The following ARMH3 variants were observed in gnomAD, a reference collection of about 807,000 sequenced individuals.
ARMH3 encodes the protein armadillo like helical domain containing 3.
A neutral mutation model predicts 99.1 loss-of-function variants in ARMH3; 60 were observed. The observed-to-expected ratio is 0.61, with a 90% CI of 0.49 to 0.75. The LOEUF (loss-of-function observed/expected upper bound fraction) is 0.75. ARMH3 is among the 30% of genes least tolerant of loss of function. The pLI is 0.00. For missense variants in ARMH3, 679 were observed against 843.1 expected (o/e 0.81, Z 2.41); for synonymous variants, 285 against 292.8 (o/e 0.97, Z 0.27).
At chr10:101,877,871 T>C (rs936773190) in intron 24 of ARMH3, among the ~76,000 whole-genome samples, 2 of 152,122 alleles carry the variant, frequency 1.3e-5, no homozygotes, top group Non-Finnish European at 2.9e-5. Flanking sequence ...GCCAGTGACC[T>C]CTGCATTCAT....
At position 101,899,330 on chromosome 10, in the gene ARMH3, G is replaced by A. The variant is rs186883626; in HGVS notation, c.1782-9840C>T. 5.9e-5 allele frequency among the ~76,000 whole-genome samples: 9 copies of A among 152,236 alleles called. No homozygotes were observed. In the East Asian group the frequency reaches 1.7e-3, roughly 29 times the overall value. On this transcript the variant is annotated intron_variant, in intron 23 of 25. Transcript: ENST00000370033. ...CAAGAAAACCATCATATTCGTAATT[G>A]CTTTTACCTGGGAAACCTTCAGGCA...
chr10:102,038,089 C>CTTTT (rs949920845), intron 2 of ARMH3, among the ~76,000 whole-genome samples: 20 of 113,308 alleles, frequency 1.8e-4, no homozygotes, highest in Non-Finnish European at 2.7e-4. Flanking sequence ...AGAAAGAATC[C>CTTTT]TTTTTTTTTT....
chr10:101,928,493 A>C (rs1843591969), intron 23 of ARMH3, among the ~76,000 whole-genome samples: 2 of 152,180 alleles, frequency 1.3e-5, no homozygotes, highest in South Asian at 4.1e-4. Context: ...CCTTAGTGGG[A>C]GAAAACGAGA....
chr10:101,957,796 A>T, intron 20 of ARMH3, 64 bp from the exon 21 acceptor site: 2 of 1,504,104 alleles, frequency 1.3e-6, no homozygotes, highest in South Asian at 1.3e-5. Flanking sequence ...AGTTAAATAA[A>T]AACAGACTAG....
intron 23 of ARMH3, among the ~76,000 whole-genome samples, chr10:101,915,034 T>C (rs1399960074): frequency 6.6e-6 from 1 of 152,126 alleles, no homozygotes; most frequent in Admixed American, 6.5e-5. Context: ...TAAGAAACCA[T>C]TTGACATAGA....
intron 22 of ARMH3, among the ~76,000 whole-genome samples, chr10:101,944,357 CA>C (rs1342564379): frequency 7.8e-6 from 1 of 128,600 alleles, no homozygotes; most frequent in East Asian, 2.2e-4. Context: ...AGAGCAGGGT[CA>C]AAAAATTTGA....
At chr10:101,944,540 A>G (rs1033232297) in intron 22 of ARMH3, among the ~76,000 whole-genome samples, 18 of 152,078 alleles carry the variant, frequency 1.2e-4, no homozygotes, top group Non-Finnish European at 7.4e-5. Context: ...GAGGCCAGGC[A>G]TGGTTACTCA....
At chr10:102,021,921 C>G (rs2066895207) in intron 8 of ARMH3, among the ~76,000 whole-genome samples, 1 of 152,016 alleles carries the variant, frequency 6.6e-6, no homozygotes, top group Non-Finnish European at 1.5e-5. Context: ...AATTCCTGGC[C>G]TCAAGCGATC....
At chr10:102,036,718 C>A (rs1379559749) in intron 2 of ARMH3, among the ~76,000 whole-genome samples, 1 of 151,972 alleles carries the variant, frequency 6.6e-6, no homozygotes, top group Admixed American at 6.6e-5. Flanking sequence ...TCTCAAGTAC[C>A]CAGGGACACA....
At chr10:101,995,738 G>A (rs79048848) in intron 15 of ARMH3, among the ~76,000 whole-genome samples, 8,869 of 152,146 alleles carry the variant, frequency 0.058, 273 homozygotes, top group African/African-American at 0.068. Flanking sequence ...CCAGCTCTAA[G>A]CACCACCTAC....
At chr10:101,848,856 C>T (rs1367445999) in intron 25 of ARMH3, among the ~76,000 whole-genome samples, 1 of 152,166 alleles carries the variant, frequency 6.6e-6, no homozygotes, top group African/African-American at 2.4e-5. Flanking sequence ...TAAAAATGTT[C>T]CACTCTGCTA....
In ARMH3 at chr10:101,992,916, ATAC is replaced by A. The variant is rs575121311; in HGVS notation, c.1275+619_1275+621del. Among the ~76,000 whole-genome samples the A allele has an allele frequency of 5.9e-5, 9 of 152,266 alleles. No homozygotes were observed. In the South Asian group the frequency reaches 1.9e-3, roughly 32 times the overall value. ...AGCTAGTCTTAGCCACTCAAAAATT[ATAC>A]TACATTTTGAAAACAAAAGGCTTAG... On this transcript the variant is annotated intron_variant, in intron 17 of 25. Transcript: ENST00000370033.
At chr10:102,045,867 G>A (rs1186750191) in intron 1 of ARMH3, among the ~76,000 whole-genome samples, 1 of 152,146 alleles carries the variant, frequency 6.6e-6, no homozygotes, top group African/African-American at 2.4e-5. Flanking sequence ...GGCCGAGGTA[G>A]GTGGATCACT....
chr10:101,944,841 CAA>C (rs1317944402), intron 22 of ARMH3, among the ~76,000 whole-genome samples: 1 of 151,600 alleles, frequency 6.6e-6, no homozygotes, highest in African/African-American at 2.4e-5. Flanking sequence ...CAGAGAAAAA[CAA>C]AGATATTATG....
At chr10:102,009,475 G>T in intron 12 of ARMH3, 26 bp from the exon 13 acceptor site, 2 of 1,592,914 alleles carry the variant, frequency 1.3e-6, no homozygotes, top group Non-Finnish European at 8.6e-7. Context: ...ACAAATTGGA[G>T]CAGTTTTTAT....
rs920373482 is a variant in ARMH3 at position 101,889,306 on chromosome 10, G to A, written c.1860+106C>T. ...AATTCCTCTCAGCAGCCTGGCCCTG[G>A]TCACTACCACAAAAGCTCAGTCACA... On this transcript the variant is annotated intron_variant, in intron 24 of 25. Transcript: ENST00000370033. 55 of 1,110,194 alleles carry A rather than the reference G, an allele frequency of 5.0e-5. No homozygotes were observed. The Middle Eastern group carries it at 5.9e-4, about 12-fold the overall frequency. The allele number at this position is 1,110,194 out of a possible 1,614,324, so 68.8% of individuals were successfully genotyped here. A position where few individuals can be genotyped will look rare whatever the true frequency, so the allele number is the denominator to read the frequency against.
intron 24 of ARMH3, among the ~76,000 whole-genome samples, chr10:101,859,112 G>A (rs1357838511): frequency 2.0e-5 from 3 of 152,184 alleles, no homozygotes; most frequent in Non-Finnish European, 4.4e-5. Context: ...CACACCCACA[G>A]ATGTAAGGAC....
intron 1 of ARMH3, among the ~76,000 whole-genome samples, chr10:102,048,648 G>A (rs72844697): frequency 1.3e-5 from 2 of 151,800 alleles, no homozygotes; most frequent in African/African-American, 2.4e-5. Flanking sequence ...GGCTGGTCTC[G>A]AACTCATCTT....
intron 23 of ARMH3, among the ~76,000 whole-genome samples, chr10:101,933,164 CGACAGAGCAA>C (rs1273122116): frequency 1.3e-5 from 2 of 151,784 alleles, no homozygotes; most frequent in African/African-American, 2.4e-5. Flanking sequence ...CCAGCCTGGG[CGACAGAGCAA>C]GACTCTATCT....
Sources: gnomAD v4.1 joint callset for allele counts (sites outside exome capture counted in the v4.1 genomes callset) on GRCh38, gnomAD v4.1.1 for gene constraint, MANE v1.5 for transcripts, NCBI Gene and HGNC (gene_info 2026-07-23, HGNC 2026-07-21) for gene names.